The following TJP1 variants were observed in gnomAD, a reference collection of about 807,000 sequenced individuals.
TJP1 encodes the protein tight junction protein ZO-1.
A neutral mutation model predicts 194.2 loss-of-function variants in TJP1; 43 were observed. That is an observed-to-expected ratio of 0.22 (90% CI 0.17 to 0.29). TJP1 has a LOEUF of 0.29. Among genes scored for constraint, TJP1 ranks in the 10% least tolerant of loss-of-function variants. The pLI is 1.00. For missense variants in TJP1, 1,971 were observed against 2,185.7 expected (o/e 0.90, Z 1.96); for synonymous variants, 801 against 779.0 (o/e 1.03, Z -0.47).
intron 1 of TJP1, among the ~76,000 whole-genome samples, chr15:29,801,312 A>G (rs1416042146): frequency 1.3e-5 from 2 of 152,210 alleles, no homozygotes; most frequent in African/African-American, 2.4e-5. Context: ...ACAAGAAACA[A>G]AAACAAAAAA....
At chr15:29,738,738 A>G (rs2044197294) in intron 10 of TJP1, among the ~76,000 whole-genome samples, 1 of 151,956 alleles carries the variant, frequency 6.6e-6, no homozygotes, top group Admixed American at 6.6e-5. Context: ...TTAAGACTCC[A>G]GGTCTCAGTT....
chr15:29,912,632 G>A (rs2054051267), intron 2 of TJP1, among the ~76,000 whole-genome samples: 1 of 142,196 alleles, frequency 7.0e-6, no homozygotes, highest in African/African-American at 2.7e-5. Context: ...GGAGGAAGAG[G>A]TTACAGTGAG....
intron 2 of TJP1, among the ~76,000 whole-genome samples, chr15:29,790,094 T>C (rs1172562288): frequency 6.6e-6 from 1 of 152,252 alleles, no homozygotes; most frequent in Non-Finnish European, 1.5e-5. Flanking sequence ...CCACATTCGT[T>C]TGCCTGTTGT....
rs761419687 is a variant in TJP1, at chr15:29,704,167, G to A, written c.5207C>T (p.Ser1736Leu). ...WSFALKSSDSSSGDPKTWQNK... is the reference protein window; with the variant it reads ...WSFALKSSDSLSGDPKTWQNK... ...ACAGAGTGAAGACAGCATACCCGAC[G>A]AGGAGTCGGATGATTTTAGAGCAAA... is the stretch of plus-strand genomic sequence containing the variant. Residue 1736 changes from serine (S) to leucine (L), a missense_variant, in exon 27 of 28, where the codon TCG (serine) becomes TTG (leucine). By Grantham distance (145) the Ser-to-Leu change is moderately radical. Coordinates refer to ENST00000614355, the MANE Select transcript of TJP1 (RefSeq NM_001330239.4). 35 of 1,557,284 alleles carry A rather than the reference G, an allele frequency of 2.2e-5. No homozygotes were observed. The South Asian group carries it at 3.2e-4, about 14-fold the overall frequency.
At chr15:29,791,193 A>AT (rs2048058365) in intron 2 of TJP1, among the ~76,000 whole-genome samples, 1 of 151,130 alleles carries the variant, frequency 6.6e-6, no homozygotes, top group Non-Finnish European at 1.5e-5. Context: ...CATTTGGCTA[A>AT]TTTTTTGTAT....
chr15:29,902,920 G>GGTT (rs2053679372), intron 2 of TJP1, among the ~76,000 whole-genome samples: 1 of 152,072 alleles, frequency 6.6e-6, no homozygotes, highest in African/African-American at 2.4e-5. Context: ...TGTAATCCCA[G>GGTT]CTACTCGGGA....
intron 4 of TJP1, among the ~76,000 whole-genome samples, chr15:29,770,718 A>T (rs2046614146): frequency 6.6e-6 from 1 of 151,908 alleles, no homozygotes; most frequent in South Asian, 2.1e-4. Flanking sequence ...AACCCAAAAA[A>T]TTTTAAATAT....
chr15:29,903,303 G>A (rs576857719), intron 2 of TJP1, among the ~76,000 whole-genome samples: 2 of 152,094 alleles, frequency 1.3e-5, no homozygotes, highest in Non-Finnish European at 2.9e-5. Context: ...TTTCTTACAT[G>A]ATCAACTGTA....
At chr15:29,908,402 A>C (rs1281157943) in intron 2 of TJP1, among the ~76,000 whole-genome samples, 1 of 152,186 alleles carries the variant, frequency 6.6e-6, no homozygotes, top group East Asian at 1.9e-4. Context: ...AAATTAGAAG[A>C]ACAAATTTCC....
rs373505713 is a variant in TJP1, at chr15:29,714,503, G to A, written c.4202+2108C>T. On this transcript the variant is annotated intron_variant, in intron 23 of 27. Coordinates refer to ENST00000614355, the MANE Select transcript of TJP1 (RefSeq NM_001330239.4). ...TCCACCCACCTCGGCCTCCCAAAGT[G>A]CTGGGAGTACAGGCGTGAGCCACTG... Among the ~76,000 whole-genome samples the A allele has an allele frequency of 3.4e-5, 5 of 147,004 alleles. 1 individual carries two copies.
intron 2 of TJP1, among the ~76,000 whole-genome samples, chr15:29,864,235 T>TAAAAAAAAAAAA (rs2052211742): frequency 6.4e-4 from 2 of 3,138 alleles, no homozygotes; most frequent in Non-Finnish European, 1.2e-3. Flanking sequence ...CTACTAAAAA[T>TAAAAAAAAAAAA]ACAAAAAAAA....
At chr15:29,926,989 G>C (rs551312562) in intron 2 of TJP1, among the ~76,000 whole-genome samples, 183 of 152,232 alleles carry the variant, frequency 1.2e-3, no homozygotes, top group African/African-American at 4.1e-3. Flanking sequence ...TCAGATAGAA[G>C]TTCTACAATG....
chr15:29,879,348 T>A lies in TJP1; in HGVS notation c.306+76884A>T, dbSNP rs2052838961. Among the ~76,000 whole-genome samples, 3 of 152,204 alleles carry A rather than the reference T, an allele frequency of 2.0e-5. No homozygotes were observed. In the South Asian group the frequency reaches 6.2e-4, roughly 32 times the overall value. Reference sequence around the variant, plus strand: ...GCTCAGGCTCCTGTGCTTGCTCCCCTGAGCTGGTTTTCACCACCAGTGGAC... The same window carrying A: ...GCTCAGGCTCCTGTGCTTGCTCCCCAGAGCTGGTTTTCACCACCAGTGGAC... On this transcript the variant is annotated intron_variant, in intron 2 of 28. Transcript: ENST00000356107.
At chr15:29,889,155 T>G (rs955073580) in intron 2 of TJP1, among the ~76,000 whole-genome samples, 26 of 152,226 alleles carry the variant, frequency 1.7e-4, no homozygotes, top group African/African-American at 6.0e-4. Context: ...TTTGACTGAT[T>G]GTCATTTCAA....
At chr15:29,828,657 CA>C (rs1180403498) in intron 2 of TJP1, among the ~76,000 whole-genome samples, 1 of 151,914 alleles carries the variant, frequency 6.6e-6, no homozygotes, top group African/African-American at 2.4e-5. Flanking sequence ...TTGCCTATTA[CA>C]TCACTTACCC....
At chr15:29,929,948 T>C (rs1449907019) in intron 2 of TJP1, among the ~76,000 whole-genome samples, 1 of 152,084 alleles carries the variant, frequency 6.6e-6, no homozygotes, top group Non-Finnish European at 1.5e-5. Context: ...AAGAATACTA[T>C]GAACAACTTT....
intron 18 of TJP1, among the ~76,000 whole-genome samples, chr15:29,726,161 C>T (rs2043224652): frequency 6.6e-6 from 1 of 152,190 alleles, no homozygotes; most frequent in Admixed American, 6.5e-5. Flanking sequence ...AATCCTACTG[C>T]AGTGGTAATT....
At chr15:29,832,285 T>C (rs1287807850) in intron 2 of TJP1, among the ~76,000 whole-genome samples, 1 of 152,014 alleles carries the variant, frequency 6.6e-6, no homozygotes, top group East Asian at 1.9e-4. Flanking sequence ...GGAAAAGAAA[T>C]GAGACCCTGG....
intron 1 of TJP1, among the ~76,000 whole-genome samples, chr15:29,806,519 G>T (rs1417909556): frequency 6.6e-6 from 1 of 152,184 alleles, no homozygotes; most frequent in Non-Finnish European, 1.5e-5. Context: ...AACACTCTGT[G>T]AACCCTCCAA....
Sources: allele counts gnomAD v4.1 joint callset (sites outside exome capture counted in the v4.1 genomes callset), GRCh38; gene constraint gnomAD v4.1.1; transcripts MANE v1.5; gene names NCBI Gene and HGNC (gene_info 2026-07-23, HGNC 2026-07-21).